FMO5: variants seen among roughly 807,000 people sequenced by gnomAD.
The protein encoded by FMO5 is flavin-containing monooxygenase 5.
A neutral mutation model predicts 43.6 loss-of-function variants in FMO5; 51 were observed. The ratio of observed to expected loss-of-function variants is 1.17; its 90% CI spans 0.93 to 1.48. FMO5 has a LOEUF of 1.48. Among genes scored for constraint, FMO5 ranks in the 40% most tolerant of loss-of-function variants. The probability of loss-of-function intolerance (pLI) is 0.00; values close to 1 mark genes in which losing one functional copy is unlikely to be tolerated. For synonymous variants in FMO5, 187 were observed against 216.5 expected (o/e 0.86, Z 1.20); for missense variants, 644 against 643.0 (o/e 1.00, Z -0.02).
At chr1:147,203,943 T>A in intron 6 of FMO5, 1 of 1,341,284 alleles carries the variant, frequency 7.5e-7, no homozygotes, top group Non-Finnish European at 1.1e-6. Context: ...GGAAGAGCTG[T>A]AGCACCAACT....
chr1:147,215,988 A>T, intron 2 of FMO5, 46 bp from the exon 3 acceptor site: 1 of 1,421,770 alleles, frequency 7.0e-7, no homozygotes, highest in Admixed American at 2.0e-5. Context: ...GATCATCTTC[A>T]TGTTTTATAA....
intron 6 of FMO5, chr1:147,204,531 T>C: frequency 6.4e-7 from 1 of 1,573,756 alleles, no homozygotes; most frequent in Non-Finnish European, 8.7e-7. Flanking sequence ...TTCTGCAAGC[T>C]ATTTCATAAC....
At chr1:147,217,098 G>A (rs994290448) in intron 2 of FMO5, among the ~76,000 whole-genome samples, 3 of 151,960 alleles carry the variant, frequency 2.0e-5, no homozygotes, top group Non-Finnish European at 2.9e-5. Flanking sequence ...AAATTAGCCG[G>A]GCGTGGTGGC....
downstream of FMO5, among the ~76,000 whole-genome samples, chr1:147,185,384 T>C (rs973661723): frequency 1.3e-5 from 2 of 152,186 alleles, no homozygotes; most frequent in African/African-American, 4.8e-5. Flanking sequence ...AGACATTCAA[T>C]TTGCTTTTGA....
At chr1:147,184,766 T>C (rs1185838980), downstream of FMO5, 3 of 1,147,694 alleles carry the variant, frequency 2.6e-6, no homozygotes, top group Non-Finnish European at 3.4e-6. This position sits in a 1 kb window ranked among gnomAD's most constrained non-coding sequence, Gnocchi z 4.4. Flanking sequence ...AGATAGTGTT[T>C]ATCAGATTTC....
chr1:147,186,974 T>G lies in FMO5; in HGVS notation c.1528A>C (p.Met510Leu). Residue 510 changes from methionine to leucine, a missense_variant, in exon 9 of 9, where the codon ATG becomes CTG. Transcript: ENST00000254090. Reference protein sequence around the residue: ...MTRVVERSSSMTSTMTIGKFM... With the variant: ...MTRVVERSSSLTSTMTIGKFM... ...TTGCCTATTGTCATTGTTGAAGTCA[T>G]AGAACTACTCCTTTCAACTACTCTT... 1 of 1,614,212 alleles carries G rather than the reference T, an allele frequency of 6.2e-7. No homozygotes were observed. The highest frequency in any genetic ancestry group is 8.5e-7 in the Non-Finnish European group (1 of 1,180,020).
chr1:147,184,425 T>A, downstream of FMO5: 1 of 1,382,930 alleles, frequency 7.2e-7, no homozygotes, highest in East Asian at 2.7e-5. The surrounding 1 kb of genome is among the most constrained non-coding windows in gnomAD (Gnocchi z 4.4). Context: ...AATATTCCCT[T>A]AATTTTTACT....
chr1:147,186,196 A>C (rs1280398542), downstream of FMO5: 1 of 435,866 alleles, frequency 2.3e-6, no homozygotes, highest in Non-Finnish European at 3.0e-6. Context: ...AAATCCCAAA[A>C]TTCTCAACCA....
chr1:147,210,293 T>C (rs1553923514), intron 5 of FMO5: 1 of 152,210 alleles, frequency 6.6e-6, no homozygotes, highest in African/African-American at 2.4e-5. Context: ...CTAGTCAGTC[T>C]TTCTGTGTCC....
chr1:147,225,441 C>A (rs28381167), upstream of FMO5: 987 of 166,756 alleles, frequency 5.9e-3, 4 homozygotes, highest in Middle Eastern at 9.3e-3. Flanking sequence ...GGGACCACTC[C>A]CCCGCCCACT....
chr1:147,212,247 GGTAAT>G (rs1661196001), intron 5 of FMO5, 141 bp downstream of exon 5: 1 of 752,938 alleles, frequency 1.3e-6, no homozygotes. Flanking sequence ...TGCCAACTGA[GGTAAT>G]GAAACGAAGC....
chr1:147,212,331 G>C, intron 5 of FMO5, 62 bp downstream of exon 5: 1 of 1,566,410 alleles, frequency 6.4e-7, no homozygotes, highest in East Asian at 2.2e-5. Context: ...TCCACCTGCA[G>C]CTTCCTTGGA....
intron 7 of FMO5, among the ~76,000 whole-genome samples, chr1:147,198,872 A>AAAAAAAAAAAAAAAAAAAAG (rs1553920319): frequency 1.4e-5 from 2 of 144,592 alleles, no homozygotes; most frequent in Non-Finnish European, 3.0e-5. Context: ...AAAAAAAAAA[A>AAAAAAAAAAAAAAAAAAAAG]AAAGAAAGAA....
In FMO5 at chr1:147,212,409, C is replaced by G; in HGVS notation, c.614G>C (p.Ser205Thr). ...GATTCAAACCTGCTTGGCTGTTTGG[C>G]TAATCTCTACAGCCAGATCCCCTCC... ...NSGGDLAVEI[S>T]QTAKQVFLST... The change falls in exon 5 of 9, where the codon AGC becomes ACC. Residue 205 changes from serine to threonine, a missense_variant. Ser to Thr is a moderately conservative substitution (Grantham distance 58). Coordinates refer to ENST00000254090, the MANE Select transcript of FMO5 (RefSeq NM_001461.4). 1 of 1,614,044 alleles carries G rather than the reference C, an allele frequency of 6.2e-7. No individual in the cohort carries two copies. The highest frequency in any genetic ancestry group is 8.5e-7 in the Non-Finnish European group (1 of 1,179,936).
At chr1:147,194,445 T>C (rs2101762978) in intron 7 of FMO5, among the ~76,000 whole-genome samples, 1 of 152,290 alleles carries the variant, frequency 6.6e-6, no homozygotes, top group East Asian at 1.9e-4. Context: ...CACTGTTGGG[T>C]CTTGACTCTT....
Position 147,202,312 on chromosome 1 carries a change from CTTT to C in FMO5, c.831-811_831-809del, listed in dbSNP as rs55820230. Among the ~76,000 whole-genome samples the C allele has an allele frequency of 7.6e-4, 59 of 77,450 alleles. 1 individual carries two copies. Among genetic ancestry groups the C allele is most frequent in the East Asian group, 6.9e-3 (20 of 2,880 alleles). The allele number at this position is 77,450 out of a possible 152,430, so 50.8% of individuals were successfully genotyped here. A position where few individuals can be genotyped will look rare whatever the true frequency, so the allele number is the denominator to read the frequency against. ...TCGTGGAGCTTTCTAAAAAGCAGTT[CTTT>C]TTTTTTTTTTTTTTTTTTTTGAGAC... On this transcript the variant is annotated intron_variant, in intron 6 of 8. Transcript: ENST00000254090.
chr1:147,214,470 A>AC (rs2101983801), intron 3 of FMO5, among the ~76,000 whole-genome samples: 1 of 149,930 alleles, frequency 6.7e-6, no homozygotes, highest in African/African-American at 2.5e-5. Context: ...AAAAAACAAA[A>AC]AAAAAAAGAG....
At chr1:147,193,780 G>T (rs1225936837) in intron 7 of FMO5, among the ~76,000 whole-genome samples, 1 of 152,148 alleles carries the variant, frequency 6.6e-6, no homozygotes, top group African/African-American at 2.4e-5. Context: ...TAGTCATTCA[G>T]GAGCAGGTTG....
intron 2 of FMO5, among the ~76,000 whole-genome samples, chr1:147,221,972 A>T (rs1333554636): frequency 6.6e-6 from 1 of 152,228 alleles, no homozygotes; most frequent in Non-Finnish European, 1.5e-5. Flanking sequence ...TGCATTTTAC[A>T]ATTTTCTACC....
Sources: allele counts gnomAD v4.1 joint callset (sites outside exome capture counted in the v4.1 genomes callset), GRCh38; gene constraint gnomAD v4.1.1; non-coding constraint Gnocchi (gnomAD v3.1); transcripts MANE v1.5; gene names NCBI Gene and HGNC (gene_info 2026-07-23, HGNC 2026-07-21).